The following SETDB2 variants were observed in gnomAD, a reference collection of about 807,000 sequenced individuals.
The protein encoded by SETDB2 is SET domain bifurcated histone lysine methyltransferase 2.
In SETDB2, 56 loss-of-function variants were observed where a neutral mutation model predicts 82.5. The ratio of observed to expected loss-of-function variants is 0.68; its 90% CI spans 0.55 to 0.85. The LOEUF (loss-of-function observed/expected upper bound fraction) is 0.85, where lower values mean the gene tolerates loss of function less well. Among genes scored for constraint, SETDB2 ranks in the 40% least tolerant of loss-of-function variants. SETDB2 has a pLI of 0.00. For synonymous variants in SETDB2, 272 were observed against 284.9 expected (o/e 0.95, Z 0.46); for missense variants, 677 against 816.4 (o/e 0.83, Z 2.08).
At position 49,494,030 on chromosome 13, in the gene SETDB2, A is replaced by T. The variant is rs1033045405; in HGVS notation, c.*2181A>T. The T allele has an allele frequency of 6.6e-6, 1 of 152,160 alleles. No homozygotes were observed. Among genetic ancestry groups the T allele is most frequent in the African/African-American group, 2.4e-5 (1 of 41,422 alleles). The allele number at this position is 152,160 out of a possible 1,614,324, so 9.4% of individuals were successfully genotyped here. ...CTGGAATTCCTGTTTTCCAGATGTTAGACCTCCAGAATTTGATCTCTAATT... is the reference window on the plus strand; with the variant it reads ...CTGGAATTCCTGTTTTCCAGATGTTTGACCTCCAGAATTTGATCTCTAATT... On this transcript the variant is annotated 3_prime_UTR_variant, in exon 14 of 14. Transcript: ENST00000611815.
intron 6 of SETDB2, 56 bp from the exon 7 acceptor site, chr13:49,480,163 T>TCTTGA: frequency 8.9e-7 from 1 of 1,124,850 alleles, no homozygotes; most frequent in African/African-American, 1.6e-5. Flanking sequence ...CAAGACAGTC[T>TCTTGA]CTTGACTTGA....
intron 6 of SETDB2, 28 bp from the exon 7 acceptor site, chr13:49,480,191 C>A: frequency 1.4e-6 from 2 of 1,455,140 alleles, no homozygotes; most frequent in Non-Finnish European, 9.5e-7. Flanking sequence ...CTTTTTCATT[C>A]TTTCTCCATC....
chr13:49,480,483 T>C (rs1340828333), intron 7 of SETDB2, 148 bp downstream of exon 7: 1 of 587,522 alleles, frequency 1.7e-6, no homozygotes, highest in Admixed American at 3.0e-5. Context: ...AAAAATCCTG[T>C]GTATTGTTCG....
At chr13:49,454,679 A>G (rs1218465668) in intron 2 of SETDB2, among the ~76,000 whole-genome samples, 2 of 152,204 alleles carry the variant, frequency 1.3e-5, no homozygotes, top group Non-Finnish European at 2.9e-5. Flanking sequence ...TAAAATTTGC[A>G]TACGTTATTA....
In SETDB2 at chr13:49,482,631, T is replaced by C. The variant is rs975654920; in HGVS notation, c.1157-106T>C. 1.5e-5 allele frequency: 11 copies of C among 737,032 alleles called. No homozygotes were observed. The Admixed American group carries it at 2.6e-4, about 17-fold the overall frequency. The allele number at this position is 737,032 out of a possible 1,614,324, so 45.7% of individuals were successfully genotyped here. On this transcript the variant is annotated intron_variant, in intron 8 of 13. Transcript: ENST00000611815. ...GATGAGTTAATGTGTTTATCTTCAT[T>C]GTAGAATGTGTGGGTTCTTTAGTCA...
chr13:49,468,001 A>C, intron 5 of SETDB2, 41 bp downstream of exon 5: 14 of 1,408,362 alleles, frequency 9.9e-6, no homozygotes, highest in Non-Finnish European at 1.4e-5. Context: ...TTTTGCTCCT[A>C]CAGATTTCTT....
intron 4 of SETDB2, among the ~76,000 whole-genome samples, chr13:49,464,950 C>T (rs1470238673): frequency 1.3e-5 from 2 of 151,612 alleles, no homozygotes; most frequent in Non-Finnish European, 2.9e-5. Flanking sequence ...CCTGTGATTC[C>T]AGGTACTCAA....
chr13:49,449,577 T>A (rs1314357147), intron 1 of SETDB2, among the ~76,000 whole-genome samples: 1 of 152,192 alleles, frequency 6.6e-6, no homozygotes, highest in African/African-American at 2.4e-5. Context: ...CATTTTTTTT[T>A]AAGTTGATTA....
chr13:49,454,991 CA>C (rs558755448), intron 2 of SETDB2, among the ~76,000 whole-genome samples: 21 of 151,740 alleles, frequency 1.4e-4, no homozygotes, highest in Non-Finnish European at 1.8e-4. Context: ...TAAGAAGTTT[CA>C]AAAAATATTA....
intron 2 of SETDB2, among the ~76,000 whole-genome samples, chr13:49,457,826 T>C (rs1957919801): frequency 6.6e-6 from 1 of 152,190 alleles, no homozygotes; most frequent in African/African-American, 2.4e-5. Flanking sequence ...GACAAAATTT[T>C]ATGTGATTCC....
At chr13:49,474,159 G>A (rs911038397) in intron 5 of SETDB2, among the ~76,000 whole-genome samples, 1 of 152,202 alleles carries the variant, frequency 6.6e-6, no homozygotes, top group African/African-American at 2.4e-5. Context: ...CTACTTGGGA[G>A]GCTAAGGCAC....
At chr13:49,480,420 T>G in intron 7 of SETDB2, 85 bp downstream of exon 7, 1 of 772,516 alleles carries the variant, frequency 1.3e-6, no homozygotes, top group Non-Finnish European at 2.1e-6. Flanking sequence ...CTTATAGATG[T>G]TAAATCTGGT....
rs1234728856 is a variant in SETDB2, at chr13:49,460,121, TTCTGGA to T, written c.33_38del (p.Phe11_Met13delinsLeu). On this transcript the variant is annotated inframe_deletion, in exon 3 of 14. Transcript: ENST00000611815. ...TTTTATTTTAGGCGATGCAAAAACT[TTCTGGA>T]TGGAGCTAGAAGATGATGGAAAAGT... 3.1e-6 allele frequency: 5 copies of T among 1,611,958 alleles called. No individual in the cohort carries two copies. The highest frequency in any genetic ancestry group is 4.2e-6 in the Non-Finnish European group (5 of 1,179,226).
rs2139005844 is a variant in SETDB2, at chr13:49,491,783, G to A, written c.2058G>A (p.Gly686=). 1 of 1,613,338 alleles carries A rather than the reference G, an allele frequency of 6.2e-7. No individual in the cohort carries two copies. The highest frequency in any genetic ancestry group is 1.8e-4 in the Middle Eastern group (1 of 5,696). ...ELTWDYGYEA[G]TVPEKEIFCQ... ...CATGGGATTATGGCTATGAAGCTGG[G>A]ACTGTGCCTGAGAAGGAAATCTTCT... Residue 686 remains glycine (G), a synonymous_variant, in exon 14 of 14, where the codon GGG becomes GGA. Transcript: ENST00000611815.
At chr13:49,470,764 A>G (rs1332680598) in intron 5 of SETDB2, among the ~76,000 whole-genome samples, 1 of 152,100 alleles carries the variant, frequency 6.6e-6, no homozygotes, top group African/African-American at 2.4e-5. Context: ...TGTATCACCT[A>G]AGTCCAGAAG....
intron 4 of SETDB2, among the ~76,000 whole-genome samples, chr13:49,466,252 T>C (rs1298503566): frequency 6.6e-6 from 1 of 151,862 alleles, no homozygotes; most frequent in Non-Finnish European, 1.5e-5. Context: ...AGGCTTGAGG[T>C]AGAGATTCTA....
At chr13:49,468,896 C>A (rs971547511) in intron 5 of SETDB2, among the ~76,000 whole-genome samples, 8 of 151,850 alleles carry the variant, frequency 5.3e-5, no homozygotes, top group Middle Eastern at 3.4e-3. Context: ...GAAATTCTGA[C>A]CTTTGAATAT....
chr13:49,460,021 C>G (rs1957962589), intron 2 of SETDB2, 86 bp from the exon 3 acceptor site: 3 of 1,370,310 alleles, frequency 2.2e-6, no homozygotes, highest in South Asian at 2.9e-5. Context: ...GTTTAGAAAC[C>G]AAGTAGATTG....
At position 49,488,476 on chromosome 13, in the gene SETDB2, G is replaced by A. The variant is rs1476078262; in HGVS notation, c.1763G>A (p.Arg588Gln). Residue 588 changes from arginine to glutamine, a missense_variant, in exon 12 of 14, where the codon CGA becomes CAA. Transcript: ENST00000611815. ...CAAATTCAGAAACCCCAAGAGGGAC[G>A]ATCTACAGCATGTCAAAGACAGCAG... is the stretch of plus-strand genomic sequence containing the variant. The part of the protein sequence containing the change: ...EVQIQKPQEG[R>Q]STACQRQQVF... 5 of 1,613,936 alleles carry A rather than the reference G, an allele frequency of 3.1e-6. No individual in the cohort carries two copies. Among genetic ancestry groups the A allele is most frequent in the South Asian group, 2.2e-5 (2 of 91,054 alleles).
Sources: gnomAD v4.1 joint callset for allele counts (sites outside exome capture counted in the v4.1 genomes callset) on GRCh38, gnomAD v4.1.1 for gene constraint, MANE v1.5 for transcripts, NCBI Gene and HGNC (gene_info 2026-07-23, HGNC 2026-07-21) for gene names.